DENND3: variants seen among roughly 807,000 people sequenced by gnomAD.
DENND3 encodes the protein DENN domain-containing protein 3.
A neutral mutation model predicts 135.1 loss-of-function variants in DENND3; 88 were observed. That is an observed-to-expected ratio of 0.65 (90% CI 0.55 to 0.78). DENND3 has a LOEUF of 0.78. DENND3 is among the 30% of genes least tolerant of loss of function. DENND3 has a pLI of 0.00. For synonymous variants in DENND3, 693 were observed against 712.3 expected (o/e 0.97, Z 0.43); for missense variants, 1,392 against 1,688.4 (o/e 0.82, Z 3.08).
chr8:141,164,644 G>A (rs1366855842), intron 10 of DENND3, among the ~76,000 whole-genome samples: 2 of 152,152 alleles, frequency 1.3e-5, no homozygotes, highest in Non-Finnish European at 2.9e-5. Context: ...CCTATGACTG[G>A]GCAGCGGGGT....
chr8:141,165,138 C>T, intron 10 of DENND3, 48 bp from the exon 11 acceptor site: 1 of 1,474,592 alleles, frequency 6.8e-7, no homozygotes, highest in Non-Finnish European at 9.5e-7. Flanking sequence ...GGAGCAGGGA[C>T]CTGGGGAGTC....
In DENND3 at chr8:141,166,247, G is replaced by T. The variant is rs758234513; in HGVS notation, c.1611G>T (p.Arg537=). The change falls in exon 12 of 23, where the codon CGG becomes CGT. Residue 537 remains arginine, a synonymous_variant. Coordinates refer to ENST00000519811, the MANE Select transcript of DENND3 (RefSeq NM_001352890.3). This position sits in a 1 kb window ranked among gnomAD's most constrained non-coding sequence, Gnocchi z 4.3. ...CGACCGTTGAGAAAAGAGCCTCCCG[G>T]AAGTCCTCGCACCTGCATGTCACCC... The part of the protein sequence containing the change: ...RRPTVEKRAS[R]KSSHLHVTHR... The T allele has an allele frequency of 1.2e-6, 2 of 1,614,174 alleles. No homozygotes were observed. Among genetic ancestry groups the T allele is most frequent in the Non-Finnish European group, 8.5e-7 (1 of 1,180,044 alleles).
chr8:141,183,401 T>G (rs1823432922), intron 17 of DENND3, among the ~76,000 whole-genome samples: 1 of 150,798 alleles, frequency 6.6e-6, no homozygotes, highest in African/African-American at 2.5e-5. Flanking sequence ...CACACCACTA[T>G]GCCCAGCCAA....
Position 141,182,569 on chromosome 8 carries a change from C to T in DENND3, c.2944+1715C>T. On this transcript the variant is annotated intron_variant, in intron 17 of 22. Transcript: ENST00000519811. The surrounding 1 kb of genome is among the most constrained non-coding windows in gnomAD (Gnocchi z 5.9). ...TGTGACGGGCGAGGAGTTCAGGCGGCTTCCCCTCCAGGAGCATCTCGAAGG... is the reference window on the plus strand; with the variant it reads ...TGTGACGGGCGAGGAGTTCAGGCGGTTTCCCCTCCAGGAGCATCTCGAAGG... The T allele has an allele frequency of 2.3e-6, 2 of 885,596 alleles. No homozygotes were observed. Among genetic ancestry groups the T allele is most frequent in the Non-Finnish European group, 1.4e-6 (1 of 739,390 alleles). The allele number at this position is 885,596 out of a possible 1,614,324, so 54.9% of individuals were successfully genotyped here. A position where few individuals can be genotyped will look rare whatever the true frequency, so the allele number is the denominator to read the frequency against.
In DENND3 at chr8:141,167,014, AG is replaced by A. The variant is rs2154613171; in HGVS notation, c.1753+627del. On this transcript the variant is annotated intron_variant, in intron 12 of 22. Transcript: ENST00000519811. The surrounding 1 kb of genome is among the most constrained non-coding windows in gnomAD (Gnocchi z 4.1). ...CACCTGCTGCTGCTGTCTCGGGCCC[AG>A]GCAGCAAGTACCATGTGGCTCCTCC... 6.6e-6 allele frequency among the ~76,000 whole-genome samples: 1 copy of A among 152,298 alleles called. No homozygotes were observed. Among genetic ancestry groups the A allele is most frequent in the African/African-American group, 2.4e-5 (1 of 41,572 alleles).
At chr8:141,151,470 A>G (rs1818790549) in intron 6 of DENND3, 149 bp from the exon 7 acceptor site, 5 of 680,854 alleles carry the variant, frequency 7.3e-6, no homozygotes, top group Admixed American at 2.8e-5. Context: ...CCAAGGTGGG[A>G]GGATTGCTTA....
At chr8:141,136,899 C>T (rs750050100) in intron 2 of DENND3, 108 bp downstream of exon 2, 27 of 1,204,556 alleles carry the variant, frequency 2.2e-5, no homozygotes, top group Non-Finnish European at 2.8e-5. Context: ...GCGGCAGAGC[C>T]AGGGACCCCT....
At chr8:141,148,484 C>A (rs79214269) in intron 5 of DENND3, among the ~76,000 whole-genome samples, 3 of 152,106 alleles carry the variant, frequency 2.0e-5, no homozygotes, top group African/African-American at 7.2e-5. Flanking sequence ...CAAAATCTCA[C>A]ACACACACAC....
chr8:141,174,182 G>A lies in DENND3; in HGVS notation c.2276-1018G>A, dbSNP rs571811991. Among the ~76,000 whole-genome samples, 2 of 152,276 alleles carry A rather than the reference G, an allele frequency of 1.3e-5. No homozygotes were observed. Among genetic ancestry groups the A allele is most frequent in the East Asian group, 3.9e-4 (2 of 5,182 alleles). On this transcript the variant is annotated intron_variant, in intron 13 of 22. Coordinates refer to ENST00000519811, the MANE Select transcript of DENND3 (RefSeq NM_001352890.3). This position sits in a 1 kb window ranked among gnomAD's most constrained non-coding sequence, Gnocchi z 4.6. ...TACGGCTGGGCTGTGGGGTGGGTAG[G>A]TGGGGCCCAATCTTGGAAGAATGTG...
chr8:141,136,397 G>A (rs1816789367), intron 1 of DENND3, 112 bp from the exon 2 acceptor site: 2 of 1,166,022 alleles, frequency 1.7e-6, no homozygotes, highest in Non-Finnish European at 2.3e-6. Flanking sequence ...AGGCGCCAGT[G>A]TTTATGGGCA....
In DENND3 at chr8:141,144,386, AC is replaced by A. The variant is rs898035291; in HGVS notation, c.735+134del. 4.2e-5 allele frequency: 37 copies of A among 890,616 alleles called. No individual in the cohort carries two copies. The highest frequency in any genetic ancestry group is 5.1e-5 in the Non-Finnish European group (32 of 629,546). The allele number at this position is 890,616 out of a possible 1,614,324, so 55.2% of individuals were successfully genotyped here. ...GTTGTAAACCTAAAATAACATCCTA[AC>A]CCCCCCGCCTCCCCACAGCTGACTG... On this transcript the variant is annotated intron_variant, in intron 5 of 22. Coordinates refer to ENST00000519811, the MANE Select transcript of DENND3 (RefSeq NM_001352890.3). This position sits in a 1 kb window ranked among gnomAD's most constrained non-coding sequence, Gnocchi z 4.4.
Position 141,182,273 on chromosome 8 carries a change from T to C in DENND3, c.2944+1419T>C, listed in dbSNP as rs1042711785. 1.0e-6 allele frequency: 1 copy of C among 981,556 alleles called. No homozygotes were observed. The highest frequency in any genetic ancestry group is 4.7e-5 in the South Asian group (1 of 21,220). The allele number at this position is 981,556 out of a possible 1,614,324, so 60.8% of individuals were successfully genotyped here. ...ATGCTTCAGGTGGGCAGAGAAGCTGTGTGTGAAGCGATTTCCCCATAAGAG... is the reference window on the plus strand; with the variant it reads ...ATGCTTCAGGTGGGCAGAGAAGCTGCGTGTGAAGCGATTTCCCCATAAGAG... On this transcript the variant is annotated intron_variant, in intron 17 of 22. Coordinates refer to ENST00000519811, the MANE Select transcript of DENND3 (RefSeq NM_001352890.3). This position sits in a 1 kb window ranked among gnomAD's most constrained non-coding sequence, Gnocchi z 5.9.
At chr8:141,134,420 CG>C (rs1816524654) in intron 1 of DENND3, among the ~76,000 whole-genome samples, 1 of 151,054 alleles carries the variant, frequency 6.6e-6, no homozygotes, top group Non-Finnish European at 1.5e-5. Context: ...TCAGCCTCTC[CG>C]AGTAGCTGGG....
chr8:141,175,923 C>T lies in DENND3; in HGVS notation c.2535+464C>T, dbSNP rs549908720. The stretch of plus-strand genomic sequence containing the variant: ...TATTTTATAACAATTAAAAAATCTT[C>T]AAACAGTTTTAACATTATATTCTAA... On this transcript the variant is annotated intron_variant, in intron 14 of 22. Coordinates refer to ENST00000519811, the MANE Select transcript of DENND3 (RefSeq NM_001352890.3). This position sits in a 1 kb window ranked among gnomAD's most constrained non-coding sequence, Gnocchi z 5.4. 1 of 212,850 alleles carries T rather than the reference C, an allele frequency of 4.7e-6. No homozygotes were observed. The highest frequency in any genetic ancestry group is 9.7e-6 in the Non-Finnish European group (1 of 103,044). 13.2% of individuals were successfully genotyped at this position (212,850 alleles called of 1,614,324 possible). A position where few individuals can be genotyped will look rare whatever the true frequency, so the allele number is the denominator to read the frequency against.
intron 3 of DENND3, among the ~76,000 whole-genome samples, chr8:141,140,367 T>C (rs888141382): frequency 2.6e-5 from 4 of 152,162 alleles, no homozygotes; most frequent in African/African-American, 9.7e-5. Context: ...CGCGCGCGTG[T>C]GAGCAGCTCA....
Position 141,189,013 on chromosome 8 carries a change from C to T in DENND3, c.3112C>T (p.Gln1038Ter), listed in dbSNP as rs776145968. 3 of 1,613,994 alleles carry T rather than the reference C, an allele frequency of 1.9e-6. No homozygotes were observed. The highest frequency in any genetic ancestry group is 2.5e-6 in the Non-Finnish European group (3 of 1,179,936). Residue 1038 changes from glutamine (Q) to a stop codon, truncating the protein, a stop_gained, in exon 19 of 23, where the codon CAG (glutamine) becomes TAG (stop). Transcript: ENST00000519811. LOFTEE classifies it high-confidence loss of function. ...CTGCATGGTGATGGCCGACCAGAAC[C>T]AGGTGTGGGTTGGCTCGGAAGACTC... is the stretch of plus-strand genomic sequence containing the variant. ...VNCMVMADQN[Q>*]VWVGSEDSVI...
At position 141,182,201 on chromosome 8, in the gene DENND3, C is replaced by T. The variant is rs984860870; in HGVS notation, c.2944+1347C>T. ...GTAGGTGTCACCCCCTCTCACAGGC[C>T]ATGTCCGCGGCTTCACAGAGCACCT... On this transcript the variant is annotated intron_variant, in intron 17 of 22. Transcript: ENST00000519811. This position sits in a 1 kb window ranked among gnomAD's most constrained non-coding sequence, Gnocchi z 5.9. 6.8e-6 allele frequency: 4 copies of T among 588,526 alleles called. No individual in the cohort carries two copies. Among genetic ancestry groups the T allele is most frequent in the East Asian group, 1.4e-4 (1 of 6,976 alleles). The allele number at this position is 588,526 out of a possible 1,614,324, so 36.5% of individuals were successfully genotyped here.
At chr8:141,157,451 G>A (rs763549475) in intron 8 of DENND3, 122 of 985,436 alleles carry the variant, frequency 1.2e-4, no homozygotes, top group Non-Finnish European at 1.4e-4. Context: ...ACAACCTGTG[G>A]GTCCAACTGC....
rs946903871 is a variant in DENND3, at chr8:141,167,883, C to G, written c.1754-121C>G. The G allele has an allele frequency of 7.2e-7, 1 of 1,392,570 alleles. No individual in the cohort carries two copies. Among genetic ancestry groups the G allele is most frequent in the African/African-American group, 1.4e-5 (1 of 69,644 alleles). 86.3% of individuals were successfully genotyped at this position (1,392,570 alleles called of 1,614,324 possible). ...TGTGGAGCTTTCTGGAGGGAGCACA[C>G]CCATTCTCATTTTATTTTGCATCCA... On this transcript the variant is annotated intron_variant, in intron 12 of 22. Coordinates refer to ENST00000519811, the MANE Select transcript of DENND3 (RefSeq NM_001352890.3). The surrounding 1 kb of genome is among the most constrained non-coding windows in gnomAD (Gnocchi z 4.1).
Sources: allele counts gnomAD v4.1 joint callset (sites outside exome capture counted in the v4.1 genomes callset), GRCh38; gene constraint gnomAD v4.1.1; non-coding constraint Gnocchi (gnomAD v3.1); transcripts MANE v1.5; gene names NCBI Gene and HGNC (gene_info 2026-07-23, HGNC 2026-07-21).